The following IL12A variants were observed in gnomAD, a reference collection of about 807,000 sequenced individuals.
IL12A encodes the protein interleukin-12 subunit alpha.
Under a neutral mutation model 23.5 loss-of-function variants are expected in IL12A, and 16 were observed. The observed-to-expected ratio is 0.68, with a 90% CI of 0.46 to 1.03. The LOEUF is 1.03. Ranked by LOEUF, IL12A falls within the 50% of genes least tolerant of loss-of-function variation. IL12A has a pLI of 0.00. For missense variants in IL12A, 275 were observed against 307.0 expected (o/e 0.90, Z 0.78); for synonymous variants, 106 against 111.5 (o/e 0.95, Z 0.31).
At chr3:159,989,992 C>T (rs2243119) in intron 1 of IL12A, among the ~76,000 whole-genome samples, 175 bp from the exon 2 acceptor site, 108 of 152,174 alleles carry the variant, frequency 7.1e-4, no homozygotes, top group African/African-American at 2.6e-3. Flanking sequence ...AATAGAGTGG[C>T]GCTTTGTAAT....
Position 159,989,127 on chromosome 3 carries a change from C to T in IL12A, c.71C>T (p.Ala24Val). The T allele has an allele frequency of 1.9e-6, 3 of 1,612,544 alleles. No homozygotes were observed. The highest frequency in any genetic ancestry group is 2.2e-5 in the South Asian group (2 of 90,860). ...GCGGCCACAGGTCTGCATCCAGCGG[C>T]TCGCCCTGTGTCCCTGCAGTGCCGG... The change falls in exon 1 of 7, where the codon GCT (alanine) becomes GTT (valine). Residue 24 changes from alanine (A) to valine (V), a missense_variant. Transcript: ENST00000305579.
chr3:159,995,332 C>T lies in IL12A; in HGVS notation c.607-72C>T, dbSNP rs188553430. On this transcript the variant is annotated intron_variant, in intron 6 of 6. Transcript: ENST00000305579. Reference sequence around the variant, plus strand: ...CAGGCTCTGAGACATGTACTGGCTTCACTCATTTTTATGAATGAATATTTG... The same window carrying T: ...CAGGCTCTGAGACATGTACTGGCTTTACTCATTTTTATGAATGAATATTTG... 2.8e-4 allele frequency: 357 copies of T among 1,269,318 alleles called. 6 individuals are homozygous for T. In the South Asian group the frequency reaches 5.1e-3, roughly 18 times the overall value. 78.6% of individuals were successfully genotyped at this position (1,269,318 alleles called of 1,614,324 possible).
At position 159,992,976 on chromosome 3, in the gene IL12A, A is replaced by G. The variant is rs746914870; in HGVS notation, c.265-36A>G. On this transcript the variant is annotated intron_variant, in intron 2 of 6. Transcript: ENST00000305579. ...TTGTGGGGTGCCAGGTGCATTATCA[A>G]TGTTATAAACTGAGTTTCTCCTTCA... 5 of 1,283,698 alleles carry G rather than the reference A, an allele frequency of 3.9e-6. 1 individual carries two copies. The highest frequency in any genetic ancestry group is 3.6e-5 in the South Asian group (3 of 82,680). 79.5% of individuals were successfully genotyped at this position (1,283,698 alleles called of 1,614,324 possible).
chr3:159,994,978 G>T (rs1303551816), intron 6 of IL12A, among the ~76,000 whole-genome samples: 1 of 152,132 alleles, frequency 6.6e-6, no homozygotes, highest in East Asian at 1.9e-4. Context: ...GACACAAATG[G>T]CATGTCTTCA....
chr3:159,993,177 C>A, intron 3 of IL12A, 52 bp downstream of exon 3: 3 of 975,596 alleles, frequency 3.1e-6, no homozygotes, highest in Non-Finnish European at 3.2e-6. Context: ...AACTGTGCAT[C>A]AAATCTCACC....
At position 159,991,495 on chromosome 3, in the gene IL12A, A is replaced by G. The variant is rs533762300; in HGVS notation, c.264+1183A>G. Among the ~76,000 whole-genome samples the G allele has an allele frequency of 4.7e-4, 72 of 152,354 alleles. 1 individual carries two copies. The highest frequency in any genetic ancestry group is 6.8e-3 in the Middle Eastern group (2 of 294). ...TTCTCTTGAAAAGATCTGAAGAACA[A>G]CACTGGACTCACACCTCCAAATCTA... On this transcript the variant is annotated intron_variant, in intron 2 of 6. Coordinates refer to ENST00000305579, the MANE Select transcript of IL12A (RefSeq NM_000882.4).
chr3:159,993,997 A>G (rs1294328710), intron 6 of IL12A, among the ~76,000 whole-genome samples, 153 bp downstream of exon 6: 2 of 152,194 alleles, frequency 1.3e-5, no homozygotes, highest in Non-Finnish European at 2.9e-5. Flanking sequence ...GGTGCCGTCT[A>G]TAGGGAGCAC....
Position 159,995,390 on chromosome 3 carries a change from G to A in IL12A, c.607-14G>A. Reference sequence around the variant, plus strand: ...GAATACCATGTAAGTCATGCTTACTGTTCATTCTCCTAGGCCCTGAATTTC... The same window carrying A: ...GAATACCATGTAAGTCATGCTTACTATTCATTCTCCTAGGCCCTGAATTTC... On this transcript the variant is annotated splice_polypyrimidine_tract_variant and intron_variant, in intron 6 of 6. Coordinates refer to ENST00000305579, the MANE Select transcript of IL12A (RefSeq NM_000882.4). 7 of 1,567,178 alleles carry A rather than the reference G, an allele frequency of 4.5e-6. No homozygotes were observed. Among genetic ancestry groups the A allele is most frequent in the Non-Finnish European group, 6.0e-6 (7 of 1,159,302 alleles).
chr3:159,995,294 A>G, intron 6 of IL12A, 110 bp from the exon 7 acceptor site: 1 of 703,562 alleles, frequency 1.4e-6, no homozygotes, highest in Non-Finnish European at 2.3e-6. Context: ...GAGTGGCATA[A>G]GGGACTGAGT....
chr3:159,990,388 A>G, intron 2 of IL12A, 76 bp downstream of exon 2: 19 of 1,413,808 alleles, frequency 1.3e-5, no homozygotes, highest in Non-Finnish European at 1.9e-5. Flanking sequence ...CCCCTCTGGT[A>G]CCTGATGGAA....
At chr3:159,995,380 C>G in intron 6 of IL12A, 24 bp from the exon 7 acceptor site, 1 of 1,540,624 alleles carries the variant, frequency 6.5e-7, no homozygotes, top group South Asian at 1.3e-5. Context: ...CCATGTAAGT[C>G]ATGCTTACTG....
chr3:159,990,049 G>A (rs1394769640), intron 1 of IL12A, 118 bp from the exon 2 acceptor site: 10 of 982,894 alleles, frequency 1.0e-5, no homozygotes, highest in East Asian at 2.4e-5. Context: ...TTGGAAATGG[G>A]TTGAGGGAGG....
chr3:159,992,018 C>T (rs551396337), intron 2 of IL12A, among the ~76,000 whole-genome samples: 14 of 152,298 alleles, frequency 9.2e-5, no homozygotes, highest in South Asian at 2.1e-4. Context: ...AGCTCATTAC[C>T]GGGTTCCAGG....
chr3:159,992,497 C>T lies in IL12A; in HGVS notation c.265-515C>T, dbSNP rs566801742. Among the ~76,000 whole-genome samples the T allele has an allele frequency of 7.2e-5, 11 of 152,340 alleles. No individual in the cohort carries two copies. In the South Asian group the frequency reaches 1.4e-3, roughly 20 times the overall value. ...CATTTCATAATTTTACCCAACGGTG[C>T]TTTCCAACACACTAAGATGACATCT... On this transcript the variant is annotated intron_variant, in intron 2 of 6. Transcript: ENST00000305579.
rs1720232768 is a variant in IL12A at position 159,989,745 on chromosome 3, T to A, written c.119-422T>A. On this transcript the variant is annotated intron_variant, in intron 1 of 6. Transcript: ENST00000305579. ...TTGCAGTGAGCCAAAATCGTGCCAC[T>A]GCACTCCAGTCTGGGCCACAGAGTG... Among the ~76,000 whole-genome samples the A allele has an allele frequency of 2.0e-5, 3 of 152,174 alleles. No homozygotes were observed. In the South Asian group the frequency reaches 6.2e-4, roughly 32 times the overall value.
chr3:159,993,974 A>C (rs542937319), intron 6 of IL12A, 130 bp downstream of exon 6: 1 of 891,284 alleles, frequency 1.1e-6, no homozygotes, highest in Non-Finnish European at 1.7e-6. Context: ...ATTTTCAAGA[A>C]GACAGCCTTG....
At position 159,989,291 on chromosome 3, in the gene IL12A, C is replaced by T. The variant is rs927962475; in HGVS notation, c.118+117C>T. The T allele has an allele frequency of 1.6e-5, 12 of 772,126 alleles. No individual in the cohort carries two copies. In the Admixed American group the frequency reaches 3.1e-4, roughly 20 times the overall value. 47.8% of individuals were successfully genotyped at this position (772,126 alleles called of 1,614,324 possible). On this transcript the variant is annotated intron_variant, in intron 1 of 6. Coordinates refer to ENST00000305579, the MANE Select transcript of IL12A (RefSeq NM_000882.4). ...GAGAGACTGGAACAGCAGCAGCCGT[C>T]TCCTGCAAAGAGGAATAAGAATAGG...
chr3:159,992,739 C>A (rs935805265), intron 2 of IL12A, among the ~76,000 whole-genome samples: 5 of 152,216 alleles, frequency 3.3e-5, no homozygotes, highest in Non-Finnish European at 7.3e-5. Context: ...CTGGTTAGCA[C>A]AGGCTGTTGA....
Position 159,989,284 on chromosome 3 carries a change from C to T in IL12A, c.118+110C>T, listed in dbSNP as rs1720218240. On this transcript the variant is annotated intron_variant, in intron 1 of 6. Transcript: ENST00000305579. ...GCCTAAGGAGAGACTGGAACAGCAG[C>T]AGCCGTCTCCTGCAAAGAGGAATAA... 6.3e-6 allele frequency: 5 copies of T among 794,534 alleles called. No homozygotes were observed. In the South Asian group the frequency reaches 7.6e-5, roughly 12 times the overall value. The allele number at this position is 794,534 out of a possible 1,614,324, so 49.2% of individuals were successfully genotyped here.
Sources: allele counts gnomAD v4.1 joint callset (sites outside exome capture counted in the v4.1 genomes callset), GRCh38; gene constraint gnomAD v4.1.1; transcripts MANE v1.5; gene names NCBI Gene and HGNC (gene_info 2026-07-23, HGNC 2026-07-21).